The following COBLL1 variants were observed in gnomAD, a reference collection of about 807,000 sequenced individuals.
COBLL1 encodes the protein cordon-bleu WH2 repeat protein like 1, also known as cordon-bleu protein-like 1.
A neutral mutation model predicts 94.8 loss-of-function variants in COBLL1; 50 were observed. That is an observed-to-expected ratio of 0.53 (90% CI 0.42 to 0.67). The LOEUF (loss-of-function observed/expected upper bound fraction) is 0.67, where lower values mean the gene tolerates loss of function less well. Among genes scored for constraint, COBLL1 ranks in the 30% least tolerant of loss-of-function variants. The pLI is 0.00. For missense variants in COBLL1, 1,362 were observed against 1,348.7 expected, an observed-to-expected ratio of 1.01 and a Z score of -0.15; for synonymous variants, 448 against 473.8, an observed-to-expected ratio of 0.95 and a Z score of 0.71.
At chr2:164,690,785 T>C (rs934921948) in intron 13 of COBLL1, among the ~76,000 whole-genome samples, 1 of 152,136 alleles carries the variant, frequency 6.6e-6, no homozygotes, top group African/African-American at 2.4e-5. Flanking sequence ...ACAATATTTG[T>C]TACTTATGTG....
intron 4 of COBLL1, 53 bp downstream of exon 4, chr2:164,729,861 G>T: frequency 7.0e-7 from 1 of 1,438,586 alleles, no homozygotes; most frequent in South Asian, 1.2e-5. Context: ...CACTTACAAT[G>T]AGCTGCTGAT....
intron 3 of COBLL1, among the ~76,000 whole-genome samples, chr2:164,732,915 C>T (rs1686093502): frequency 6.6e-6 from 1 of 152,094 alleles, no homozygotes. Flanking sequence ...ATTAGCCAGG[C>T]ATGGTGGCAG....
intron 2 of COBLL1, among the ~76,000 whole-genome samples, chr2:164,811,634 T>C (rs1004543673): frequency 6.6e-6 from 1 of 151,916 alleles, no homozygotes; most frequent in African/African-American, 2.4e-5. Context: ...GTATTCTGAC[T>C]TCCAGAAAAG....
intron 2 of COBLL1, among the ~76,000 whole-genome samples, chr2:164,778,046 C>T (rs1688555315): frequency 6.6e-6 from 1 of 152,110 alleles, no homozygotes; most frequent in Non-Finnish European, 1.5e-5. Flanking sequence ...GCATAATGGC[C>T]AAGAGTTGCC....
At chr2:164,730,336 A>G (rs567059025) in intron 3 of COBLL1, among the ~76,000 whole-genome samples, 3 of 151,336 alleles carry the variant, frequency 2.0e-5, no homozygotes, top group Non-Finnish European at 1.5e-5. Context: ...CAAAAAATAA[A>G]AAAAAAAAAC....
At chr2:164,686,853 C>T (rs1258962973) in intron 13 of COBLL1, among the ~76,000 whole-genome samples, 1 of 152,146 alleles carries the variant, frequency 6.6e-6, no homozygotes, top group East Asian at 1.9e-4. Context: ...AGATTCATAA[C>T]CAAACACTAT....
intron 2 of COBLL1, among the ~76,000 whole-genome samples, chr2:164,794,146 G>A (rs1288459529): frequency 1.3e-5 from 2 of 152,132 alleles, no homozygotes; most frequent in East Asian, 3.9e-4. Flanking sequence ...ACCCATTTAA[G>A]GTGCCAATTC....
At chr2:164,693,802 G>A (rs1236160342) in intron 12 of COBLL1, among the ~76,000 whole-genome samples, 3 of 152,122 alleles carry the variant, frequency 2.0e-5, no homozygotes, top group Admixed American at 2.0e-4. Context: ...GAGTGTATAT[G>A]ATGGAAATCA....
chr2:164,745,920 A>T (rs1055110594), intron 2 of COBLL1, among the ~76,000 whole-genome samples: 6 of 152,212 alleles, frequency 3.9e-5, no homozygotes, highest in Non-Finnish European at 5.9e-5. Context: ...GAACTCAGTA[A>T]GGTAGGTTGG....
rs574729484 is a variant in COBLL1, at chr2:164,689,636, C to G, written c.3300+2585G>C. On this transcript the variant is annotated intron_variant, in intron 13 of 13. Transcript: ENST00000652658. ...GAAAAACAAATGTGCATACAATGCA[C>G]CACTCATGTCAAGAGAAAAAATACC... Among the ~76,000 whole-genome samples the G allele has an allele frequency of 2.6e-5, 4 of 152,264 alleles. No individual in the cohort carries two copies. The South Asian group carries it at 8.3e-4, about 32-fold the overall frequency.
chr2:164,692,570 C>T, intron 12 of COBLL1, 173 bp from the exon 13 acceptor site: 1 of 561,860 alleles, frequency 1.8e-6, no homozygotes, highest in East Asian at 3.1e-5. Context: ...CAGAGCTAAG[C>T]TGGAAGATGA....
At chr2:164,706,757 C>A (rs1249026641) in intron 7 of COBLL1, among the ~76,000 whole-genome samples, 2 of 152,152 alleles carry the variant, frequency 1.3e-5, no homozygotes, top group African/African-American at 2.4e-5. Flanking sequence ...TCTGACTCAT[C>A]ATTAGGAAGT....
intron 2 of COBLL1, among the ~76,000 whole-genome samples, chr2:164,805,639 C>T (rs1009503363): frequency 1.3e-5 from 2 of 151,778 alleles, no homozygotes; most frequent in Non-Finnish European, 2.9e-5. Flanking sequence ...TTTAAGGTTG[C>T]TCCATGTCTG....
At position 164,758,325 on chromosome 2, in the gene COBLL1, C is replaced by A. The variant is rs182335770; in HGVS notation, c.42-14450G>T. The stretch of plus-strand genomic sequence containing the variant: ...TGCTTATCTAGTTGCAGAAACTATG[C>A]CAAATGTTTTATATATATAATCCCC... On this transcript the variant is annotated intron_variant, in intron 2 of 13. Transcript: ENST00000652658. 2.4e-4 allele frequency among the ~76,000 whole-genome samples: 36 copies of A among 151,838 alleles called. 1 individual carries two copies. The highest frequency in any genetic ancestry group is 8.5e-4 in the African/African-American group (35 of 41,386).
At chr2:164,692,018 C>A (rs2105422060) in intron 13 of COBLL1, among the ~76,000 whole-genome samples, 1 of 152,214 alleles carries the variant, frequency 6.6e-6, no homozygotes. Flanking sequence ...CTGCAACTGG[C>A]CCATGTTGTG....
At chr2:164,709,645 G>T (rs1684780915) in intron 7 of COBLL1, among the ~76,000 whole-genome samples, 1 of 152,106 alleles carries the variant, frequency 6.6e-6, no homozygotes, top group South Asian at 2.1e-4. Flanking sequence ...TTGAACCCGG[G>T]AAGTGGAGGT....
At chr2:164,749,905 T>A (rs1558979242) in intron 2 of COBLL1, among the ~76,000 whole-genome samples, 1 of 152,176 alleles carries the variant, frequency 6.6e-6, no homozygotes, top group Non-Finnish European at 1.5e-5. Flanking sequence ...ACTCAAGTCC[T>A]CTGTGAGGGA....
intron 2 of COBLL1, among the ~76,000 whole-genome samples, chr2:164,814,688 G>C (rs922262515): frequency 2.0e-5 from 3 of 152,088 alleles, no homozygotes; most frequent in African/African-American, 7.2e-5. Context: ...GAGAAAGAGG[G>C]GGAAAAAGAC....
At chr2:164,753,097 T>C (rs138459010) in intron 2 of COBLL1, among the ~76,000 whole-genome samples, 32 of 152,214 alleles carry the variant, frequency 2.1e-4, no homozygotes, top group Admixed American at 3.9e-4. Flanking sequence ...CTGAGAACAC[T>C]TCTGCTCCTG....
Sources: gnomAD v4.1 joint callset for allele counts (sites outside exome capture counted in the v4.1 genomes callset) on GRCh38, gnomAD v4.1.1 for gene constraint, MANE v1.5 for transcripts, NCBI Gene and HGNC (gene_info 2026-07-23, HGNC 2026-07-21) for gene names.